MYOCD: variants seen among roughly 807,000 people sequenced by gnomAD.
MYOCD encodes myocardin.
In MYOCD, 32 loss-of-function variants were observed where a neutral mutation model predicts 96.1. The observed-to-expected ratio is 0.33, with a 90% confidence interval of 0.25 to 0.45. The LOEUF is 0.45. Among genes scored for constraint, MYOCD ranks in the 20% least tolerant of loss-of-function variants. The pLI, the probability that MYOCD is intolerant of heterozygous loss-of-function variation, is 1.00. For missense variants in MYOCD, 1,133 were observed against 1,200.6 expected, an observed-to-expected ratio of 0.94 and a Z score of 0.83; for synonymous variants, 469 against 469.0, an observed-to-expected ratio of 1.00 and a Z score of 0.00.
intron 6 of MYOCD, among the ~76,000 whole-genome samples, chr17:12,737,454 G>T (rs960911961): frequency 1.3e-5 from 2 of 152,118 alleles, no homozygotes; most frequent in Non-Finnish European, 2.9e-5. Flanking sequence ...CGAGCAACTG[G>T]TGGGCTCTAG....
intron 1 of MYOCD, among the ~76,000 whole-genome samples, chr17:12,667,767 C>T (rs1909457960): frequency 6.6e-6 from 1 of 152,106 alleles, no homozygotes; most frequent in Non-Finnish European, 1.5e-5. Flanking sequence ...TGCCACACTC[C>T]CAACTTCCAT....
At chr17:12,677,365 C>T (rs1456726944) in intron 1 of MYOCD, among the ~76,000 whole-genome samples, 1 of 152,036 alleles carries the variant, frequency 6.6e-6, no homozygotes, top group Non-Finnish European at 1.5e-5. Flanking sequence ...ACGCGTTTAC[C>T]TGGGTAACAA....
chr17:12,710,598 C>A, intron 2 of MYOCD: 1 of 666,798 alleles, frequency 1.5e-6, no homozygotes, highest in Non-Finnish European at 1.9e-6. Flanking sequence ...GGGCAATTCC[C>A]GCACCCATAT....
Position 12,763,856 on chromosome 17 carries a change from A to G in MYOCD, c.*212A>G. The stretch of plus-strand genomic sequence containing the variant: ...CAGTCAGTAACTGTTAATGATTTCA[A>G]CAATGCATTAAAAGAATGTGCTTTC... On this transcript the variant is annotated 3_prime_UTR_variant, in exon 14 of 14. Transcript: ENST00000425538. 2.2e-6 allele frequency: 1 copy of G among 459,260 alleles called. No individual in the cohort carries two copies. The highest frequency in any genetic ancestry group is 3.8e-6 in the Non-Finnish European group (1 of 264,740). 28.4% of individuals were successfully genotyped at this position (459,260 alleles called of 1,614,324 possible). A position where few individuals can be genotyped will look rare whatever the true frequency, so the allele number is the denominator to read the frequency against.
chr17:12,671,111 G>T (rs1173212624), intron 1 of MYOCD, among the ~76,000 whole-genome samples: 1 of 152,010 alleles, frequency 6.6e-6, no homozygotes, highest in Non-Finnish European at 1.5e-5. Flanking sequence ...TGTCCATAAC[G>T]GCAGAAATTA....
At chr17:12,759,196 G>A (rs1027231773) in intron 12 of MYOCD, among the ~76,000 whole-genome samples, 3 of 152,182 alleles carry the variant, frequency 2.0e-5, no homozygotes, top group Non-Finnish European at 2.9e-5. Context: ...GTATCCCACA[G>A]ATCAAAGTCA....
At position 12,700,399 on chromosome 17, in the gene MYOCD, ATTTTTTTTTTTT is replaced by A. The variant is rs952565560; in HGVS notation, c.56-4711_56-4700del. On this transcript the variant is annotated intron_variant, in intron 1 of 13. Transcript: ENST00000425538. ...ATTGGCTAACTCTAGCAATGGGAGA[ATTTTTTTTTTTT>A]TTTTTTTTTTTTTTTTTGAGATGGA... Among the ~76,000 whole-genome samples the A allele has an allele frequency of 4.4e-3, 337 of 76,902 alleles. 5 individuals carry two copies. Among genetic ancestry groups the A allele is most frequent in the African/African-American group, 0.02 (320 of 16,028 alleles). 50.5% of individuals were successfully genotyped at this position (76,902 alleles called of 152,430 possible). A position where few individuals can be genotyped will look rare whatever the true frequency, so the allele number is the denominator to read the frequency against.
At chr17:12,681,290 G>A (rs1483116252) in intron 1 of MYOCD, among the ~76,000 whole-genome samples, 2 of 152,162 alleles carry the variant, frequency 1.3e-5, no homozygotes, top group Non-Finnish European at 2.9e-5. Context: ...TTCCACTTGA[G>A]GTTTTTCTTC....
chr17:12,756,332 G>T, intron 10 of MYOCD, 82 bp from the exon 11 acceptor site: 2 of 1,468,324 alleles, frequency 1.4e-6, no homozygotes. Context: ...GGGGACACAG[G>T]GCAGGAACCA....
chr17:12,697,082 A>G (rs1200715502), intron 1 of MYOCD, among the ~76,000 whole-genome samples: 1 of 151,984 alleles, frequency 6.6e-6, no homozygotes, highest in Non-Finnish European at 1.5e-5. Context: ...GCCTAGTCCA[A>G]TGTAGGGACA....
chr17:12,767,604 A>G lies in MYOCD; in HGVS notation c.*3960A>G, dbSNP rs1469743633. On this transcript the variant is annotated 3_prime_UTR_variant, in exon 14 of 14. Coordinates refer to ENST00000425538, the MANE Select transcript of MYOCD (RefSeq NM_001146312.3). ...TCCTCAAACTAGAAACCTTTCAGCTACGATGAAAAAAAAAAAGGGGTCTTC... is the reference window on the plus strand; with the variant it reads ...TCCTCAAACTAGAAACCTTTCAGCTGCGATGAAAAAAAAAAAGGGGTCTTC... The G allele has an allele frequency of 1.3e-5, 2 of 148,476 alleles. No individual in the cohort carries two copies. The highest frequency in any genetic ancestry group is 1.5e-5 in the Non-Finnish European group (1 of 67,206). The allele number at this position is 148,476 out of a possible 1,614,324, so 9.2% of individuals were successfully genotyped here.
rs139602556 is a variant in MYOCD at position 12,767,529 on chromosome 17, A to T, written c.*3885A>T. Reference sequence around the variant, plus strand: ...TTCAGCACAGATTGTTCAGATTTGAATGACCAGGGAGTTGTATTTGCACAT... The same window carrying T: ...TTCAGCACAGATTGTTCAGATTTGATTGACCAGGGAGTTGTATTTGCACAT... On this transcript the variant is annotated 3_prime_UTR_variant, in exon 14 of 14. Coordinates refer to ENST00000425538, the MANE Select transcript of MYOCD (RefSeq NM_001146312.3). The T allele has an allele frequency of 6.6e-6, 1 of 152,236 alleles. No homozygotes were observed. Among genetic ancestry groups the T allele is most frequent in the African/African-American group, 2.4e-5 (1 of 41,460 alleles). 9.4% of individuals were successfully genotyped at this position (152,236 alleles called of 1,614,324 possible). A position where few individuals can be genotyped will look rare whatever the true frequency, so the allele number is the denominator to read the frequency against.
chr17:12,733,033 G>A (rs1353977914), intron 5 of MYOCD, among the ~76,000 whole-genome samples: 1 of 152,176 alleles, frequency 6.6e-6, no homozygotes, highest in Non-Finnish European at 1.5e-5. Context: ...GAAGTAGGCT[G>A]GGCGCGGTGG....
At chr17:12,703,621 C>T (rs1291977398) in intron 1 of MYOCD, among the ~76,000 whole-genome samples, 3 of 152,112 alleles carry the variant, frequency 2.0e-5, no homozygotes, top group Admixed American at 1.3e-4. Flanking sequence ...TTAAAACTTG[C>T]TCTATGACTC....
At chr17:12,754,816 A>AC (rs2032966847) in intron 10 of MYOCD, among the ~76,000 whole-genome samples, 1 of 152,258 alleles carries the variant, frequency 6.6e-6, no homozygotes, top group Non-Finnish European at 1.5e-5. Flanking sequence ...AGTGCCAAGC[A>AC]TTACAAGGCA....
chr17:12,670,512 G>A (rs1326807867), intron 1 of MYOCD, among the ~76,000 whole-genome samples: 3 of 150,014 alleles, frequency 2.0e-5, no homozygotes, highest in East Asian at 1.9e-4. Flanking sequence ...ATAATGGACA[G>A]TACTGAAGAC....
At position 12,666,132 on chromosome 17, in the gene MYOCD, G is replaced by C. The variant is rs892310918; in HGVS notation, c.-57G>C. ...TCAGCTGGGCTCCCGGGAGCCTGTT[G>C]CTGGTGGAGAACAGGGGGCGCCTGG... On this transcript the variant is annotated 5_prime_UTR_variant, in exon 1 of 14. Coordinates refer to ENST00000425538, the MANE Select transcript of MYOCD (RefSeq NM_001146312.3). 3 of 1,368,640 alleles carry C rather than the reference G, an allele frequency of 2.2e-6. No homozygotes were observed. The highest frequency in any genetic ancestry group is 3.1e-6 in the Non-Finnish European group (3 of 959,120). The allele number at this position is 1,368,640 out of a possible 1,614,324, so 84.8% of individuals were successfully genotyped here.
chr17:12,738,129 G>A (rs1266543446), intron 6 of MYOCD, among the ~76,000 whole-genome samples: 1 of 152,198 alleles, frequency 6.6e-6, no homozygotes, highest in Non-Finnish European at 1.5e-5. Context: ...AGGGGAAGAA[G>A]AGAACAAGCA....
intron 12 of MYOCD, among the ~76,000 whole-genome samples, chr17:12,759,311 C>G (rs988880470): frequency 5.9e-5 from 9 of 152,148 alleles, no homozygotes; most frequent in Admixed American, 3.3e-4. Flanking sequence ...TCTGGCAAAC[C>G]AGGAGCCACA....
Sources: gnomAD v4.1 joint callset for allele counts (sites outside exome capture counted in the v4.1 genomes callset) on GRCh38, gnomAD v4.1.1 for gene constraint, MANE v1.5 for transcripts, NCBI Gene and HGNC (gene_info 2026-07-23, HGNC 2026-07-21) for gene names.